The following ZFX variants were observed in gnomAD, a reference collection of about 807,000 sequenced individuals.
ZFX encodes the protein zinc finger protein X-linked, also known as zinc finger X-chromosomal protein.
For synonymous variants in ZFX, 196 were observed against 226.8 expected, an observed-to-expected ratio of 0.86 and a Z score of 1.22; for missense variants, 362 against 628.3, an observed-to-expected ratio of 0.58 and a Z score of 4.53.
At chrX:24,206,134 T>C (rs1937567627) in intron 5 of ZFX, among the ~76,000 whole-genome samples, 1 of 111,581 alleles carries the variant, frequency 9.0e-6, no homozygotes, top group Non-Finnish European at 1.9e-5. Flanking sequence ...TAAAGTTGTG[T>C]GTGTATGTTA....
Position 24,179,371 on chromosome X carries a change from G to C in ZFX, c.247G>C (p.Glu83Gln), listed in dbSNP as rs142082935. 152 of 1,210,703 alleles carry C rather than the reference G, an allele frequency of 1.3e-4. 1 individual carries two copies. The highest frequency in any genetic ancestry group is 2.0e-5 in the Non-Finnish European group (18 of 895,434). The change falls in exon 5 of 10, where the codon GAA (glutamate) becomes CAA (glutamine). Residue 83 changes from glutamate (E) to glutamine (Q), a missense_variant. Glu to Gln is a conservative substitution (Grantham distance 29). Coordinates refer to ENST00000304543, the MANE Select transcript of ZFX (RefSeq NM_003410.4). Reference protein sequence around the residue: ...IEDVQCPDIMEEADVSETVII... With the variant: ...IEDVQCPDIMQEADVSETVII... ...AGATGTTCAGTGCCCAGATATCATG[G>C]AAGAAGCAGATGTGTCTGAAACGGT...
chrX:24,178,588 C>CTT (rs770391725), intron 4 of ZFX, among the ~76,000 whole-genome samples: 2 of 82,846 alleles, frequency 2.4e-5, no homozygotes, highest in Non-Finnish European at 2.3e-5. Flanking sequence ...CGCGCCTGGC[C>CTT]TTTTTTTTTT....
chrX:24,150,270 C>T (rs1170927670), intron 1 of ZFX: 1 of 100,874 alleles, frequency 9.9e-6, no homozygotes, highest in Non-Finnish European at 2.0e-5. Context: ...GGGGAGCCGC[C>T]ATCTTGGAGG....
intron 4 of ZFX, among the ~76,000 whole-genome samples, chrX:24,173,404 T>C (rs2520324): frequency 0.46 from 50,302 of 109,637 alleles, 8,503 homozygotes; most frequent in South Asian, 0.78. Flanking sequence ...CTCTCTCTCT[T>C]GCAAGTTCCC....
chrX:24,152,419 C>T (rs1000453603), intron 2 of ZFX, among the ~76,000 whole-genome samples: 3 of 111,641 alleles, frequency 2.7e-5, no homozygotes. Flanking sequence ...AGGCATGAAC[C>T]ACCGTGCCCT....
chrX:24,202,453 T>G (rs1439329800), intron 5 of ZFX, among the ~76,000 whole-genome samples: 1 of 111,840 alleles, frequency 8.9e-6, no homozygotes, highest in Non-Finnish European at 1.9e-5. Flanking sequence ...ACTCCACTGA[T>G]TTTAACCAAG....
intron 5 of ZFX, 109 bp downstream of exon 5, chrX:24,179,879 C>T (rs1003294264): frequency 1.2e-5 from 8 of 694,377 alleles, no homozygotes; most frequent in African/African-American, 2.2e-5. Context: ...AAGTAAATCT[C>T]ATAGACCTAC....
intron 5 of ZFX, among the ~76,000 whole-genome samples, chrX:24,187,611 CA>C (rs1936228830): frequency 9.0e-6 from 1 of 111,522 alleles, no homozygotes; most frequent in Non-Finnish European, 1.9e-5. Context: ...TAATTTTTTT[CA>C]AATTTGTATT....
chrX:24,206,836 A>G (rs1937614780), intron 5 of ZFX, among the ~76,000 whole-genome samples: 1 of 110,767 alleles, frequency 9.0e-6, no homozygotes. Flanking sequence ...TTTTGCTTTA[A>G]TATCTGATTC....
intron 3 of ZFX, among the ~76,000 whole-genome samples, chrX:24,163,835 AAAAAG>A (rs1263351348): frequency 4.3e-4 from 32 of 75,101 alleles, no homozygotes; most frequent in African/African-American, 1.5e-3. Flanking sequence ...CTCTTTTAAA[AAAAAG>A]AAAAAAAAAA....
In ZFX at chrX:24,210,783, A is replaced by G. The variant is rs1308639503; in HGVS notation, c.1825A>G (p.Ile609Val). Residue 609 changes from isoleucine (I) to valine (V), a missense_variant, in exon 10 of 10, where the codon ATT (isoleucine) becomes GTT (valine). Coordinates refer to ENST00000304543, the MANE Select transcript of ZFX (RefSeq NM_003410.4). ...HSKEMPFKCD[I>V]CLLTFSDTKE... is the part of the protein sequence containing the mutation. ...TAAAGAGATGCCATTCAAGTGTGACATTTGTCTTCTGACTTTCTCGGATAC... is the reference window on the plus strand; with the variant it reads ...TAAAGAGATGCCATTCAAGTGTGACGTTTGTCTTCTGACTTTCTCGGATAC... 2 of 1,211,955 alleles carry G rather than the reference A, an allele frequency of 1.7e-6. No individual in the cohort carries two copies. The highest frequency in any genetic ancestry group is 3.5e-5 in the South Asian group (2 of 56,975).
rs761826052 is a variant in ZFX at position 24,179,622 on chromosome X, T to G, written c.498T>G (p.Ile166Met). The G allele has an allele frequency of 5.8e-6, 7 of 1,210,230 alleles. No homozygotes were observed. In the South Asian group the frequency reaches 1.2e-4, roughly 21 times the overall value. The part of the protein sequence containing the change: ...VVHDSVVEAE[I>M]VTDPLTTDVV... The stretch of plus-strand genomic sequence containing the variant: ...ATGATAGTGTAGTGGAAGCAGAAAT[T>G]GTCACTGATCCTCTGACTACCGACG... Residue 166 changes from isoleucine to methionine, a missense_variant, in exon 5 of 10, where the codon ATT (isoleucine) becomes ATG (methionine). Transcript: ENST00000304543.
chrX:24,206,961 G>A (rs1311457309), intron 5 of ZFX, among the ~76,000 whole-genome samples: 4 of 110,816 alleles, frequency 3.6e-5, no homozygotes, highest in Non-Finnish European at 5.7e-5. Context: ...TTTGCCGGGC[G>A]CAGTGGCTCA....
chrX:24,173,173 C>T (rs958570107), intron 4 of ZFX, among the ~76,000 whole-genome samples: 1 of 112,100 alleles, frequency 8.9e-6, no homozygotes, highest in African/African-American at 3.2e-5. Flanking sequence ...TTTACATCTG[C>T]TCTTCTTCAT....
At chrX:24,187,435 A>C (rs1222392072) in intron 5 of ZFX, among the ~76,000 whole-genome samples, 1 of 111,841 alleles carries the variant, frequency 8.9e-6, no homozygotes, top group Admixed American at 9.6e-5. Context: ...GGCAAATAGA[A>C]TTCCAAAGAT....
rs201533722 is a variant in ZFX at position 24,213,698 on chromosome X, T to TA, written c.*2322_*2323insA. ...ATGTGTTTTTTTTTTTTTTTTTTTT[T>TA]TAAACTAACTTACAATTTTGTGATC... On this transcript the variant is annotated 3_prime_UTR_variant, in exon 10 of 10. Coordinates refer to ENST00000304543, the MANE Select transcript of ZFX (RefSeq NM_003410.4). 0.19 allele frequency: 15,023 copies of TA among 78,049 alleles called. 1,311 individuals are homozygous for TA. Among genetic ancestry groups the TA allele is most frequent in the Non-Finnish European group, 0.25 (10,479 of 42,341 alleles). 6.4% of individuals were successfully genotyped at this position (78,049 alleles called of 1,213,427 possible).
intron 5 of ZFX, among the ~76,000 whole-genome samples, chrX:24,205,131 AAGGCTTGTTGTTGC>A (rs1425745061): frequency 8.9e-6 from 1 of 112,232 alleles, no homozygotes; most frequent in Non-Finnish European, 1.9e-5. Flanking sequence ...GGGAAATGAA[AAGGCTTGTTGTTGC>A]AGGTATTACA....
Position 24,211,394 on chromosome X carries a change from G to T in ZFX, c.*18G>T. On this transcript the variant is annotated 3_prime_UTR_variant, in exon 10 of 10. Coordinates refer to ENST00000304543, the MANE Select transcript of ZFX (RefSeq NM_003410.4). Reference sequence around the variant, plus strand: ...TGCCCTAACAATACTTCTACAGAACGTTTGTAGAGATATTGGCCTTGAAGC... The same window carrying T: ...TGCCCTAACAATACTTCTACAGAACTTTTGTAGAGATATTGGCCTTGAAGC... 2.5e-6 allele frequency: 3 copies of T among 1,206,746 alleles called. No homozygotes were observed. The highest frequency in any genetic ancestry group is 3.4e-6 in the Non-Finnish European group (3 of 891,836).
At chrX:24,204,524 T>C (rs889697770) in intron 5 of ZFX, among the ~76,000 whole-genome samples, 9 of 112,251 alleles carry the variant, frequency 8.0e-5, no homozygotes, top group African/African-American at 2.9e-4. Flanking sequence ...GTTATAGTGG[T>C]CAGAACCACC....
Sources: gnomAD v4.1 joint callset for allele counts (sites outside exome capture counted in the v4.1 genomes callset) on GRCh38, gnomAD v4.1.1 for gene constraint, MANE v1.5 for transcripts, NCBI Gene and HGNC (gene_info 2026-07-23, HGNC 2026-07-21) for gene names.